MAP2K4: variants seen among roughly 807,000 people sequenced by gnomAD.
MAP2K4 encodes the protein mitogen-activated protein kinase kinase 4.
In MAP2K4, 4 loss-of-function variants were observed where a neutral mutation model predicts 48.5. That is an observed-to-expected ratio of 0.08 (90% confidence interval 0.04 to 0.19). The LOEUF is 0.19. Among genes scored for constraint, MAP2K4 ranks in the 10% least tolerant of loss-of-function variants. MAP2K4 has a pLI of 1.00. For missense variants in MAP2K4, 258 were observed against 493.3 expected, an observed-to-expected ratio of 0.52 and a Z score of 4.52; for synonymous variants, 166 against 173.1, an observed-to-expected ratio of 0.96 and a Z score of 0.32.
chr17:12,050,550 T>C (rs942162689), intron 1 of MAP2K4, among the ~76,000 whole-genome samples: 2 of 152,152 alleles, frequency 1.3e-5, no homozygotes, highest in African/African-American at 2.4e-5. Flanking sequence ...GGAGAGATGC[T>C]TTTGGTAACC....
intron 4 of MAP2K4, among the ~76,000 whole-genome samples, 186 bp from the exon 5 acceptor site, chr17:12,107,604 T>G (rs1382549268): frequency 6.6e-6 from 1 of 152,072 alleles, no homozygotes; most frequent in Non-Finnish European, 1.5e-5. Flanking sequence ...TTAACTACAT[T>G]GTTTATGTTT....
intron 2 of MAP2K4, among the ~76,000 whole-genome samples, chr17:12,071,526 G>A (rs2151540060): frequency 6.6e-6 from 1 of 152,246 alleles, no homozygotes; most frequent in East Asian, 1.9e-4. Flanking sequence ...ATGAAGACCA[G>A]TGCCTGATGC....
At position 12,125,281 on chromosome 17, in the gene MAP2K4, C is replaced by CT; in HGVS notation, c.814-10dup. On this transcript the variant is annotated splice_polypyrimidine_tract_variant and intron_variant, in intron 7 of 10. Coordinates refer to ENST00000353533, the MANE Select transcript of MAP2K4 (RefSeq NM_003010.4). The stretch of plus-strand genomic sequence containing the variant: ...AAGGCAATTAATAACTTACACTTGT[C>CT]TTTATGTTCCAGCCTGAAAGAATAG... 6.2e-7 allele frequency: 1 copy of CT among 1,609,380 alleles called. No homozygotes were observed. The highest frequency in any genetic ancestry group is 8.5e-7 in the Non-Finnish European group (1 of 1,175,748).
At chr17:12,052,450 C>A (rs1307651923) in intron 1 of MAP2K4, among the ~76,000 whole-genome samples, 1 of 152,060 alleles carries the variant, frequency 6.6e-6, no homozygotes, top group African/African-American at 2.4e-5. Context: ...AGTATAAATA[C>A]TTATATTCAA....
chr17:12,123,025 T>C (rs1972739977), intron 7 of MAP2K4, among the ~76,000 whole-genome samples: 1 of 152,202 alleles, frequency 6.6e-6, no homozygotes, highest in African/African-American at 2.4e-5. Flanking sequence ...CTGGATTAGG[T>C]TTGCTCATAT....
At chr17:12,116,302 T>C (rs1452263189) in intron 7 of MAP2K4, among the ~76,000 whole-genome samples, 1 of 152,206 alleles carries the variant, frequency 6.6e-6, no homozygotes, top group Non-Finnish European at 1.5e-5. Flanking sequence ...TGAATGGAGC[T>C]TACAGGACTA....
chr17:12,047,975 G>A (rs1044879473), intron 1 of MAP2K4, among the ~76,000 whole-genome samples: 1 of 152,134 alleles, frequency 6.6e-6, no homozygotes, highest in African/African-American at 2.4e-5. Flanking sequence ...GTGATCATTT[G>A]ACATCTTGGA....
rs181891223 is a variant in MAP2K4 at position 12,080,766 on chromosome 17, G to A, written c.219-590G>A. On this transcript the variant is annotated intron_variant, in intron 2 of 10. Coordinates refer to ENST00000353533, the MANE Select transcript of MAP2K4 (RefSeq NM_003010.4). ...CCAAACATTACTGGAATCATCTGGG[G>A]GTCTTTAAAAATACTGTTTTCTGAC... Among the ~76,000 whole-genome samples the A allele has an allele frequency of 1.4e-3, 210 of 152,112 alleles. 1 individual carries two copies. Among genetic ancestry groups the A allele is most frequent in the African/African-American group, 4.8e-3 (201 of 41,468 alleles).
At chr17:12,130,969 T>C (rs952311393) in intron 9 of MAP2K4, among the ~76,000 whole-genome samples, 2 of 152,206 alleles carry the variant, frequency 1.3e-5, no homozygotes, top group African/African-American at 4.8e-5. Flanking sequence ...AGGGTGATAT[T>C]GACCCTAAGG....
At chr17:12,136,549 T>C (rs546241788) in intron 9 of MAP2K4, among the ~76,000 whole-genome samples, 1 of 152,352 alleles carries the variant, frequency 6.6e-6, no homozygotes, top group South Asian at 2.1e-4. Flanking sequence ...ATGTGGCTAA[T>C]GTAACTAAGG....
intron 1 of MAP2K4, among the ~76,000 whole-genome samples, chr17:12,029,468 A>G (rs1223872486): frequency 6.6e-6 from 1 of 152,184 alleles, no homozygotes; most frequent in Non-Finnish European, 1.5e-5. Context: ...GATCATGTCA[A>G]ATTAAGCCCC....
At chr17:12,096,841 A>G (rs1350448563) in intron 4 of MAP2K4, among the ~76,000 whole-genome samples, 1 of 152,186 alleles carries the variant, frequency 6.6e-6, no homozygotes, top group East Asian at 1.9e-4. Context: ...CTAGGTAACT[A>G]GTAACAACAC....
At chr17:12,055,019 A>C in intron 2 of MAP2K4, 28 bp downstream of exon 2, 1 of 1,385,918 alleles carries the variant, frequency 7.2e-7, no homozygotes, top group South Asian at 1.2e-5. Flanking sequence ...TCAAAGGCTC[A>C]ACTCAAGCAA....
At chr17:12,030,280 G>A (rs941306654) in intron 1 of MAP2K4, among the ~76,000 whole-genome samples, 1 of 152,202 alleles carries the variant, frequency 6.6e-6, no homozygotes, top group Admixed American at 6.5e-5. Context: ...GTGTGTTCCA[G>A]TTAATTTAGA....
intron 7 of MAP2K4, among the ~76,000 whole-genome samples, chr17:12,121,415 C>A (rs1972684103): frequency 6.6e-6 from 1 of 151,862 alleles, no homozygotes; most frequent in African/African-American, 2.4e-5. Flanking sequence ...GTCAAAAAAA[C>A]TATCTTTTAG....
At chr17:12,023,705 A>G (rs1401118993) in intron 1 of MAP2K4, among the ~76,000 whole-genome samples, 1 of 152,094 alleles carries the variant, frequency 6.6e-6, no homozygotes, top group African/African-American at 2.4e-5. Context: ...AGGCTGGCCA[A>G]TATTGCTTTC....
chr17:12,025,851 TTTTG>T (rs1431090676), intron 1 of MAP2K4, among the ~76,000 whole-genome samples: 6 of 152,290 alleles, frequency 3.9e-5, no homozygotes, highest in African/African-American at 9.6e-5. Context: ...CTGCTTTTGA[TTTTG>T]TTTATCTGTT....
At chr17:12,095,516 A>G in intron 3 of MAP2K4, 59 bp from the exon 4 acceptor site, 1 of 1,603,062 alleles carries the variant, frequency 6.2e-7, no homozygotes, top group Non-Finnish European at 8.5e-7. Flanking sequence ...ACTAAAAATT[A>G]TTGGTGTTTT....
intron 2 of MAP2K4, among the ~76,000 whole-genome samples, chr17:12,059,144 A>G (rs778852340): frequency 1.6e-4 from 25 of 152,246 alleles, no homozygotes; most frequent in Non-Finnish European, 2.8e-4. Flanking sequence ...ATTATAATAG[A>G]GACTCTTGTA....
Sources: gnomAD v4.1 joint callset for allele counts (sites outside exome capture counted in the v4.1 genomes callset) on GRCh38, gnomAD v4.1.1 for gene constraint, MANE v1.5 for transcripts, NCBI Gene and HGNC (gene_info 2026-07-23, HGNC 2026-07-21) for gene names.